LGI3: variants seen among roughly 807,000 people sequenced by gnomAD.
The protein encoded by LGI3 is leucine-rich repeat LGI family member 3.
Under a neutral mutation model 55.4 loss-of-function variants are expected in LGI3, and 47 were observed. The observed-to-expected ratio is 0.85, with a 90% CI of 0.67 to 1.08. The LOEUF (loss-of-function observed/expected upper bound fraction) is 1.08. Ranked by LOEUF, LGI3 falls within the 50% of genes least tolerant of loss-of-function variation. The probability of loss-of-function intolerance (pLI) is 0.00; values close to 1 mark genes in which losing one functional copy is unlikely to be tolerated. For missense variants in LGI3, 664 were observed against 726.3 expected, an observed-to-expected ratio of 0.91 and a Z score of 0.99; for synonymous variants, 326 against 315.0, an observed-to-expected ratio of 1.04 and a Z score of -0.37.
At position 22,148,407 on chromosome 8, in the gene LGI3, G is replaced by A. The variant is rs977018508; in HGVS notation, c.1400C>T (p.Ser467Leu). Residue 467 changes from serine to leucine, a missense_variant, in exon 8 of 8, where the codon TCG (serine) becomes TTG (leucine). By Grantham distance (145) the Ser-to-Leu change is moderately radical. Transcript: ENST00000306317. This position sits in a 1 kb window ranked among gnomAD's most constrained non-coding sequence, Gnocchi z 7.0. ...CACAAGGAAGGGCTGCAGGGCCAGC[G>A]AGCCCCGGGAGGGCAGGGCCTGCAC... ...SEVQALPSRG[S>L]LALQPFLVGG... 22 of 1,612,516 alleles carry A rather than the reference G, an allele frequency of 1.4e-5. No homozygotes were observed. The highest frequency in any genetic ancestry group is 4.4e-5 in the South Asian group (4 of 90,986).
rs190516247 is a variant in LGI3 at position 22,155,857 on chromosome 8, G to T, written c.207-394C>A. On this transcript the variant is annotated intron_variant, in intron 1 of 7. Transcript: ENST00000306317. ...CCTCTCTGGTCCCACAGACAAGGGG[G>T]AGCCCCTGAGGCTGGCTGTTGTGAG... Among the ~76,000 whole-genome samples, 6 of 152,376 alleles carry T rather than the reference G, an allele frequency of 3.9e-5. No homozygotes were observed. The East Asian group carries it at 1.2e-3, about 29-fold the overall frequency.
Position 22,148,604 on chromosome 8 carries a change from G to A in LGI3, c.1203C>T (p.Ile401=). 1.9e-6 allele frequency: 3 copies of A among 1,613,928 alleles called. No individual in the cohort carries two copies. Among genetic ancestry groups the A allele is most frequent in the Non-Finnish European group, 2.5e-6 (3 of 1,180,018 alleles). ...IVSSSSQAPV[I]YQWSRTQKQF... ...GCTTCTGGGTGCGACTCCACTGATAGATGACGGGTGCCTGGGAGCTGCTGG... is the reference window on the plus strand; with the variant it reads ...GCTTCTGGGTGCGACTCCACTGATAAATGACGGGTGCCTGGGAGCTGCTGG... Residue 401 remains isoleucine, a synonymous_variant, in exon 8 of 8, where the codon ATC becomes ATT. Coordinates refer to ENST00000306317, the MANE Select transcript of LGI3 (RefSeq NM_139278.4). This position sits in a 1 kb window ranked among gnomAD's most constrained non-coding sequence, Gnocchi z 7.0.
Position 22,148,430 on chromosome 8 carries a change from C to G in LGI3, c.1377G>C (p.Val459=), listed in dbSNP as rs773534077. The part of the protein sequence containing the change: ...LRWEGTRFSE[V]QALPSRGSLA... ...GCGAGCCCCGGGAGGGCAGGGCCTG[C>G]ACCTCCGAGAAGCGGGTACCCTCCC... Residue 459 remains valine, a synonymous_variant, in exon 8 of 8, where the codon GTG becomes GTC. Coordinates refer to ENST00000306317, the MANE Select transcript of LGI3 (RefSeq NM_139278.4). This position sits in a 1 kb window ranked among gnomAD's most constrained non-coding sequence, Gnocchi z 7.0. 6.2e-7 allele frequency: 1 copy of G among 1,612,008 alleles called. No individual in the cohort carries two copies. Among genetic ancestry groups the G allele is most frequent in the Admixed American group, 1.7e-5 (1 of 59,984 alleles).
In LGI3 at chr8:22,147,362, G is replaced by T. The variant is rs1827315577; in HGVS notation, c.*798C>A. On this transcript the variant is annotated 3_prime_UTR_variant, in exon 8 of 8. Coordinates refer to ENST00000306317, the MANE Select transcript of LGI3 (RefSeq NM_139278.4). Reference sequence around the variant, plus strand: ...AGAACAGAGACAGACACCCCTGGCAGCTCCCCGGGATTGCTTCTGCTGCTG... The same window carrying T: ...AGAACAGAGACAGACACCCCTGGCATCTCCCCGGGATTGCTTCTGCTGCTG... The T allele has an allele frequency of 6.6e-6, 1 of 152,310 alleles. No individual in the cohort carries two copies. Among genetic ancestry groups the T allele is most frequent in the South Asian group, 2.1e-4 (1 of 4,834 alleles). The allele number at this position is 152,310 out of a possible 1,614,324, so 9.4% of individuals were successfully genotyped here.
At chr8:22,152,815 C>T (rs1165558404) in intron 5 of LGI3, among the ~76,000 whole-genome samples, 3 of 150,466 alleles carry the variant, frequency 2.0e-5, no homozygotes, top group African/African-American at 7.3e-5. Flanking sequence ...CTTTGGGAGG[C>T]AGAGGCGAGT....
chr8:22,148,313 T>G lies in LGI3; in HGVS notation c.1494A>C (p.Gly498=). 2 of 1,614,072 alleles carry G rather than the reference T, an allele frequency of 1.2e-6. No homozygotes were observed. The highest frequency in any genetic ancestry group is 1.7e-6 in the Non-Finnish European group (2 of 1,179,994). The change falls in exon 8 of 8, where the codon GGA becomes GGC. Residue 498 remains glycine, a synonymous_variant. Transcript: ENST00000306317. This position sits in a 1 kb window ranked among gnomAD's most constrained non-coding sequence, Gnocchi z 7.0. ...CCTGGAACCGTACAAACTTCTGTCG[T>G]CCCTCATCCCACTGGTAGATCTGGG... is the stretch of plus-strand genomic sequence containing the variant. ...SFTQIYQWDE[G]RQKFVRFQEL...
At position 22,148,407 on chromosome 8, in the gene LGI3, G is replaced by C; in HGVS notation, c.1400C>G (p.Ser467Trp). 1 of 1,612,634 alleles carries C rather than the reference G, an allele frequency of 6.2e-7. No homozygotes were observed. Among genetic ancestry groups the C allele is most frequent in the Non-Finnish European group, 8.5e-7 (1 of 1,179,832 alleles). Residue 467 changes from serine to tryptophan, a missense_variant, in exon 8 of 8, where the codon TCG becomes TGG. Transcript: ENST00000306317. This position sits in a 1 kb window ranked among gnomAD's most constrained non-coding sequence, Gnocchi z 7.0. ...CACAAGGAAGGGCTGCAGGGCCAGC[G>C]AGCCCCGGGAGGGCAGGGCCTGCAC... ...SEVQALPSRG[S>W]LALQPFLVGG...
Position 22,147,321 on chromosome 8 carries a change from G to GA in LGI3, c.*838dup, listed in dbSNP as rs1827314683. On this transcript the variant is annotated 3_prime_UTR_variant, in exon 8 of 8. Coordinates refer to ENST00000306317, the MANE Select transcript of LGI3 (RefSeq NM_139278.4). Reference sequence around the variant, plus strand: ...TGGGTGAGCTGGGATTCACGGCCATGAAGGAAACGCCAAGGAGAACAGAGA... The same window carrying GA: ...TGGGTGAGCTGGGATTCACGGCCATGAAAGGAAACGCCAAGGAGAACAGAGA... 6.6e-6 allele frequency: 1 copy of GA among 152,338 alleles called. No homozygotes were observed. Among genetic ancestry groups the GA allele is most frequent in the South Asian group, 2.1e-4 (1 of 4,832 alleles). 9.4% of individuals were successfully genotyped at this position (152,338 alleles called of 1,614,324 possible).
Position 22,148,018 on chromosome 8 carries a change from C to A in LGI3, c.*142G>T. ...TCCTGGGCCAGTCCACGGGGTGCGC[C>A]TGTACACACTGGGCGTGTGCGGATA... On this transcript the variant is annotated 3_prime_UTR_variant, in exon 8 of 8. Coordinates refer to ENST00000306317, the MANE Select transcript of LGI3 (RefSeq NM_139278.4). The surrounding 1 kb of genome is among the most constrained non-coding windows in gnomAD (Gnocchi z 7.0). 1.4e-6 allele frequency: 1 copy of A among 723,438 alleles called. No homozygotes were observed. Among genetic ancestry groups the A allele is most frequent in the Non-Finnish European group, 2.3e-6 (1 of 430,008 alleles). 44.8% of individuals were successfully genotyped at this position (723,438 alleles called of 1,614,324 possible).
In LGI3 at chr8:22,148,948, C is replaced by T. The variant is rs773217538; in HGVS notation, c.859G>A (p.Val287Met). 6.2e-6 allele frequency: 10 copies of T among 1,613,122 alleles called. No homozygotes were observed. The highest frequency in any genetic ancestry group is 6.8e-6 in the Non-Finnish European group (8 of 1,179,650). The change falls in exon 8 of 8, where the codon GTG becomes ATG. Residue 287 changes from valine to methionine, a missense_variant. Transcript: ENST00000306317. The surrounding 1 kb of genome is among the most constrained non-coding windows in gnomAD (Gnocchi z 7.0). ...ACCACGTACAGCTGGCTGTCCACCA[C>T]CATCGGCTTGCAGTGCACTGCAGAG... ...APSAVHCKPMVVDSQLYVVVA... is the reference protein window; with the variant it reads ...APSAVHCKPMMVDSQLYVVVA...
intron 2 of LGI3, chr8:22,155,155 G>A (rs549536371): frequency 6.7e-5 from 37 of 551,468 alleles, no homozygotes; most frequent in African/African-American, 4.8e-4. Context: ...GCCCATCCCC[G>A]CATCCCACTT....
In LGI3 at chr8:22,156,538, G is replaced by A. The variant is rs759135285; in HGVS notation, c.5C>T (p.Ala2Val). 7.1e-6 allele frequency: 9 copies of A among 1,270,014 alleles called. No individual in the cohort carries two copies. The highest frequency in any genetic ancestry group is 2.9e-4 in the Middle Eastern group (1 of 3,442). 78.7% of individuals were successfully genotyped at this position (1,270,014 alleles called of 1,614,324 possible). ...CGGGCCCCCCCTGGCCCGCAGCCCC[G>A]CCATGCTGCCCGCGATCTCTCCCTG... MAGLRARGGPGP... is the reference protein window; with the variant it reads MVGLRARGGPGP... The change falls in exon 1 of 8, where the codon GCG (alanine) becomes GTG (valine). Residue 2 changes from alanine (A) to valine (V), a missense_variant. Coordinates refer to ENST00000306317, the MANE Select transcript of LGI3 (RefSeq NM_139278.4).
In LGI3 at chr8:22,156,558, T is replaced by C; in HGVS notation, c.-16A>G. 2 of 1,061,612 alleles carry C rather than the reference T, an allele frequency of 1.9e-6. No homozygotes were observed. Among genetic ancestry groups the C allele is most frequent in the Admixed American group, 4.3e-5 (1 of 23,222 alleles). The allele number at this position is 1,061,612 out of a possible 1,614,324, so 65.8% of individuals were successfully genotyped here. A position where few individuals can be genotyped will look rare whatever the true frequency, so the allele number is the denominator to read the frequency against. On this transcript the variant is annotated 5_prime_UTR_variant, in exon 1 of 8. Transcript: ENST00000306317. Reference sequence around the variant, plus strand: ...GCCCCGCCATGCTGCCCGCGATCTCTCCCTGGGGCCGGCGGCCGCGGCCCC... The same window carrying C: ...GCCCCGCCATGCTGCCCGCGATCTCCCCCTGGGGCCGGCGGCCGCGGCCCC...
intron 5 of LGI3, among the ~76,000 whole-genome samples, chr8:22,152,257 T>G (rs1827389285): frequency 1.3e-5 from 2 of 152,252 alleles, no homozygotes; most frequent in African/African-American, 4.8e-5. Context: ...GCAGTGTGCA[T>G]CCTGCACAGC....
At chr8:22,156,252 G>T in intron 1 of LGI3, 85 bp downstream of exon 1, 1 of 1,423,440 alleles carries the variant, frequency 7.0e-7, no homozygotes, top group Non-Finnish European at 9.7e-7. Flanking sequence ...TGAAGAGGGG[G>T]AGCGGGGGTT....
At chr8:22,155,034 G>A (rs1827469137) in intron 2 of LGI3, 1 of 407,304 alleles carries the variant, frequency 2.5e-6, no homozygotes, top group Non-Finnish European at 4.5e-6. Flanking sequence ...AGCTCTTTCT[G>A]GGAACTCTGA....
chr8:22,148,618 G>A lies in LGI3; in HGVS notation c.1189C>T (p.Gln397Ter). 1 of 1,613,914 alleles carries A rather than the reference G, an allele frequency of 6.2e-7. No homozygotes were observed. The highest frequency in any genetic ancestry group is 1.7e-5 in the Admixed American group (1 of 60,032). The change falls in exon 8 of 8, where the codon CAG becomes TAG. Residue 397 changes from glutamine (Q) to a stop codon, truncating the protein, a stop_gained. Transcript: ENST00000306317. LOFTEE classifies it high-confidence loss of function. The surrounding 1 kb of genome is among the most constrained non-coding windows in gnomAD (Gnocchi z 7.0). Reference protein sequence around the residue: ...KPRLIVSSSSQAPVIYQWSRT... With the variant: ...KPRLIVSSSS ...CTCCACTGATAGATGACGGGTGCCT[G>A]GGAGCTGCTGGACACAATCAGCCGT...
rs1302254825 is a variant in LGI3 at position 22,151,524 on chromosome 8, A to G, written c.794T>C (p.Val265Ala). The G allele has an allele frequency of 6.2e-7, 1 of 1,614,130 alleles. No individual in the cohort carries two copies. The highest frequency in any genetic ancestry group is 1.1e-5 in the South Asian group (1 of 91,084). The change falls in exon 7 of 8, where the codon GTT (valine) becomes GCT (alanine). Residue 265 changes from valine to alanine, a missense_variant. Physicochemically the swap from Val to Ala is moderately conservative, Grantham distance 64. Transcript: ENST00000306317. Reference sequence around the variant, plus strand: ...ATCATAGTCTCGAAGCTGCCGCTCAACATAGTCCCACTTCAGGATGGTGCA... The same window carrying G: ...ATCATAGTCTCGAAGCTGCCGCTCAGCATAGTCCCACTTCAGGATGGTGCA... ...SACTILKWDY[V>A]ERQLRDYDRI...
At chr8:22,154,771 G>T in intron 2 of LGI3, 140 bp from the exon 3 acceptor site, 1 of 657,994 alleles carries the variant, frequency 1.5e-6, no homozygotes, top group Non-Finnish European at 2.7e-6. Context: ...GAATCCCTGG[G>T]CCACCTGGGC....
Sources: gnomAD v4.1 joint callset for allele counts (sites outside exome capture counted in the v4.1 genomes callset) on GRCh38, gnomAD v4.1.1 for gene constraint, Gnocchi (gnomAD v3.1) non-coding constraint, MANE v1.5 for transcripts, NCBI Gene and HGNC (gene_info 2026-07-23, HGNC 2026-07-21) for gene names.